PPP1R17: variants seen among roughly 807,000 people sequenced by gnomAD.
PPP1R17 encodes G-substrate.
In PPP1R17, 12 loss-of-function variants were observed where a neutral mutation model predicts 15.9. The observed-to-expected ratio is 0.75, with a 90% CI of 0.48 to 1.22. The LOEUF is 1.22. PPP1R17 is among the 50% of genes most tolerant of loss of function. The probability of loss-of-function intolerance (pLI) is 0.00; values close to 1 mark genes in which losing one functional copy is unlikely to be tolerated. For synonymous variants in PPP1R17, 63 were observed against 64.5 expected (o/e 0.98, Z 0.11); for missense variants, 211 against 187.3 (o/e 1.13, Z -0.74).
At chr7:31,694,103 C>G (rs1297062062) in intron 2 of PPP1R17, among the ~76,000 whole-genome samples, 1 of 152,076 alleles carries the variant, frequency 6.6e-6, no homozygotes, top group African/African-American at 2.4e-5. Context: ...AGGCACCTGT[C>G]AGTAAAGAGG....
At chr7:31,690,541 C>CA (rs1467199991) in intron 1 of PPP1R17, among the ~76,000 whole-genome samples, 1 of 152,220 alleles carries the variant, frequency 6.6e-6, no homozygotes, top group African/African-American at 2.4e-5. Context: ...CATTTACTCT[C>CA]ACTACATCTT....
intron 4 of PPP1R17, among the ~76,000 whole-genome samples, chr7:31,705,508 G>T (rs1390683643): frequency 6.6e-6 from 1 of 152,188 alleles, no homozygotes; most frequent in East Asian, 1.9e-4. Context: ...AAAAGCTGTA[G>T]TTTCAGCCAG....
intron 1 of PPP1R17, among the ~76,000 whole-genome samples, chr7:31,690,756 C>G (rs185853243): frequency 6.6e-6 from 1 of 152,232 alleles, no homozygotes; most frequent in African/African-American, 2.4e-5. Context: ...GCAGATAGGA[C>G]CTTCAGTAGA....
intron 2 of PPP1R17, among the ~76,000 whole-genome samples, chr7:31,694,249 G>C (rs1223371356): frequency 3.9e-5 from 6 of 152,060 alleles, no homozygotes; most frequent in Non-Finnish European, 4.4e-5. Context: ...TATGAAGATG[G>C]GAAGCTTTCC....
At chr7:31,693,433 C>T (rs1792441182) in intron 2 of PPP1R17, among the ~76,000 whole-genome samples, 1 of 152,118 alleles carries the variant, frequency 6.6e-6, no homozygotes, top group African/African-American at 2.4e-5. Flanking sequence ...GTGTTTGCAG[C>T]CAGGCATTAA....
intron 4 of PPP1R17, among the ~76,000 whole-genome samples, chr7:31,698,040 G>C (rs978826659): frequency 6.6e-6 from 1 of 152,202 alleles, no homozygotes; most frequent in Non-Finnish European, 1.5e-5. Flanking sequence ...AAATGTGGCA[G>C]AATTGGGGCT....
chr7:31,689,978 T>A (rs1792271312), intron 1 of PPP1R17, among the ~76,000 whole-genome samples: 2 of 152,310 alleles, frequency 1.3e-5, no homozygotes, highest in African/African-American at 2.4e-5. Flanking sequence ...ATAGACAAGA[T>A]GAGCTATGCT....
chr7:31,696,460 T>A (rs1034798169), intron 3 of PPP1R17, among the ~76,000 whole-genome samples: 1 of 152,218 alleles, frequency 6.6e-6, no homozygotes, highest in African/African-American at 2.4e-5. Context: ...TGCAAGAGGC[T>A]GTTTTTAGAG....
In PPP1R17 at chr7:31,697,024, A is replaced by G; in HGVS notation, c.295A>G (p.Lys99Glu). Residue 99 changes from lysine (K) to glutamate (E), a missense_variant, in exon 4 of 5, where the codon AAA (lysine) becomes GAA (glutamate). Transcript: ENST00000342032. ...YDVQERHPKG[K>E]MIPVLHNTDL... ...TGTTCAAGAGAGACATCCAAAGGGC[A>G]AAATGATCCCTGTTCTTCATAACAC... The G allele has an allele frequency of 1.2e-6, 2 of 1,614,220 alleles. No homozygotes were observed. Among genetic ancestry groups the G allele is most frequent in the Non-Finnish European group, 8.5e-7 (1 of 1,180,020 alleles).
chr7:31,702,797 C>T (rs1011646526), intron 4 of PPP1R17, among the ~76,000 whole-genome samples: 2 of 152,142 alleles, frequency 1.3e-5, no homozygotes, highest in East Asian at 1.9e-4. Flanking sequence ...TACATATATG[C>T]TGGTTTGATG....
chr7:31,697,685 G>C (rs1018035802), intron 4 of PPP1R17, among the ~76,000 whole-genome samples: 2 of 152,186 alleles, frequency 1.3e-5, no homozygotes, highest in Non-Finnish European at 2.9e-5. Context: ...TTCATGGCTA[G>C]AGTATGACTC....
intron 4 of PPP1R17, among the ~76,000 whole-genome samples, chr7:31,698,202 A>T (rs1478347559): frequency 6.6e-6 from 1 of 152,242 alleles, no homozygotes; most frequent in Non-Finnish European, 1.5e-5. Context: ...GTTTCATTTA[A>T]TAAAGAAAAA....
At chr7:31,695,105 T>G (rs948145478) in intron 2 of PPP1R17, among the ~76,000 whole-genome samples, 15 of 151,946 alleles carry the variant, frequency 9.9e-5, no homozygotes, top group African/African-American at 3.6e-4. Context: ...AGAGCAAGTC[T>G]TGAGCAAAAA....
At chr7:31,697,265 C>T in intron 4 of PPP1R17, 148 bp downstream of exon 4, 5 of 995,578 alleles carry the variant, frequency 5.0e-6, no homozygotes, top group Non-Finnish European at 7.2e-6. Flanking sequence ...ACACTCAGTG[C>T]TACCTTTTAG....
At chr7:31,691,778 A>G (rs2128238508) in intron 1 of PPP1R17, among the ~76,000 whole-genome samples, 1 of 134,108 alleles carries the variant, frequency 7.5e-6, no homozygotes, top group Non-Finnish European at 1.6e-5. Context: ...TTTATACAAT[A>G]GTTGTAGAAT....
chr7:31,695,618 C>G lies in PPP1R17; in HGVS notation c.232C>G (p.Pro78Ala), dbSNP rs1301455632. ...GGCGCTGCACATCCCACCTTTCATA[C>G]CAGGTAATGGACAAAGTCATCTGCA... ...TPALHIPPFI[P>A]GVFSEHLIKR... Residue 78 changes from proline to alanine, a missense_variant, in exon 3 of 5, where the codon CCA becomes GCA. Physicochemically the swap from Pro to Ala is conservative, Grantham distance 27. Coordinates refer to ENST00000342032, the MANE Select transcript of PPP1R17 (RefSeq NM_006658.5). 8.1e-6 allele frequency: 13 copies of G among 1,611,638 alleles called. No individual in the cohort carries two copies. The highest frequency in any genetic ancestry group is 1.0e-5 in the Non-Finnish European group (12 of 1,179,188).
At chr7:31,688,419 T>C (rs1388446258) in intron 1 of PPP1R17, among the ~76,000 whole-genome samples, 1 of 152,192 alleles carries the variant, frequency 6.6e-6, no homozygotes, top group Non-Finnish European at 1.5e-5. Context: ...AGAAAACCGC[T>C]CAATGATAAG....
rs138575100 is a variant in PPP1R17 at position 31,692,433 on chromosome 7, C to T, written c.-9C>T. On this transcript the variant is annotated 5_prime_UTR_variant, in exon 2 of 5. Transcript: ENST00000342032. ...CTGGAGAAGAAATACATCCACCCAC[C>T]CTCCTTTGATGATGTCCACTGAGCA... 781 of 1,597,190 alleles carry T rather than the reference C, an allele frequency of 4.9e-4. 4 individuals are homozygous for T. In the African/African-American group the frequency reaches 8.7e-3, roughly 18 times the overall value.
At chr7:31,701,852 A>G (rs573284525) in intron 4 of PPP1R17, among the ~76,000 whole-genome samples, 131 of 152,370 alleles carry the variant, frequency 8.6e-4, no homozygotes, top group African/African-American at 3.0e-3. Flanking sequence ...ATTTTTAAAG[A>G]CATAATGCTA....
Sources: allele counts gnomAD v4.1 joint callset (sites outside exome capture counted in the v4.1 genomes callset), GRCh38; gene constraint gnomAD v4.1.1; transcripts MANE v1.5; gene names NCBI Gene and HGNC (gene_info 2026-07-23, HGNC 2026-07-21).